MEI1: variants seen among roughly 807,000 people sequenced by gnomAD.
The protein encoded by MEI1 is meiotic double-stranded break formation protein 1, also known as meiosis inhibitor protein 1.
MEI1 carries 103 observed loss-of-function variants against 146.2 expected under a neutral mutation model. The observed-to-expected ratio is 0.70, with a 90% CI of 0.60 to 0.83. The LOEUF is 0.83. Ranked by LOEUF, MEI1 falls within the 40% of genes least tolerant of loss-of-function variation. The probability of loss-of-function intolerance (pLI) is 0.00; values close to 1 mark genes in which losing one functional copy is unlikely to be tolerated. For missense variants in MEI1, 1,529 were observed against 1,533.0 expected, an observed-to-expected ratio of 1.00 and a Z score of 0.04; for synonymous variants, 652 against 628.2, an observed-to-expected ratio of 1.04 and a Z score of -0.57.
intron 18 of MEI1, 86 bp from the exon 19 acceptor site, chr22:41,763,088 T>G: frequency 6.7e-7 from 1 of 1,482,624 alleles, no homozygotes; most frequent in East Asian, 2.3e-5. Context: ...GACAGTGGGC[T>G]GAGGAAGGAT....
At chr22:41,709,741 A>G (rs553262055) in intron 3 of MEI1, among the ~76,000 whole-genome samples, 21 of 152,126 alleles carry the variant, frequency 1.4e-4, no homozygotes, top group Non-Finnish European at 2.9e-4. Context: ...GTGGCAACTG[A>G]GTTTCCCCTG....
At chr22:41,788,757 A>G (rs779059062) in intron 26 of MEI1, among the ~76,000 whole-genome samples, 1 of 152,142 alleles carries the variant, frequency 6.6e-6, no homozygotes, top group African/African-American at 2.4e-5. Flanking sequence ...GAAGTATTGT[A>G]TAGCACTTTC....
chr22:41,733,928 A>G (rs2072090638), intron 11 of MEI1, among the ~76,000 whole-genome samples: 1 of 151,832 alleles, frequency 6.6e-6, no homozygotes, highest in African/African-American at 2.4e-5. Context: ...GGAGTTTGAG[A>G]CCAGCCTGGC....
chr22:41,775,184 G>A (rs1163687523), intron 20 of MEI1, among the ~76,000 whole-genome samples: 1 of 152,124 alleles, frequency 6.6e-6, no homozygotes, highest in East Asian at 1.9e-4. Context: ...AACTCTGAAA[G>A]CAAAATAAAA....
intron 22 of MEI1, 100 bp from the exon 23 acceptor site, chr22:41,781,184 T>G: frequency 2.5e-6 from 2 of 790,136 alleles, no homozygotes; most frequent in East Asian, 5.4e-5. Context: ...TTGTGCTTGC[T>G]CCCCAAGACT....
At position 41,699,645 on chromosome 22, in the gene MEI1, T is replaced by A. The variant is rs763022939; in HGVS notation, c.107T>A (p.Leu36Gln). The stretch of plus-strand genomic sequence containing the variant: ...CATTACCGGCACGACCCGCGCTGGC[T>A]GCTGCCCGTGACCCCCCGCCTGTGC... ...RAHYRHDPRWLLPVTPRLCLA... is the reference protein window; with the variant it reads ...RAHYRHDPRWQLPVTPRLCLA... Residue 36 changes from leucine to glutamine, a missense_variant, in exon 1 of 31, where the codon CTG (leucine) becomes CAG (glutamine). Around this residue, in one of 3 missense-constraint regions of MEI1, gnomAD observed 1,212 missense variants for 1,178.9 expected, o/e 1.03. Coordinates refer to ENST00000401548, the MANE Select transcript of MEI1 (RefSeq NM_152513.4). The A allele has an allele frequency of 3.6e-5, 58 of 1,597,872 alleles. No homozygotes were observed. The Admixed American group carries it at 9.7e-4, about 27-fold the overall frequency.
chr22:41,749,916 A>G (rs2147834681), intron 15 of MEI1, among the ~76,000 whole-genome samples: 1 of 152,138 alleles, frequency 6.6e-6, no homozygotes, highest in African/African-American at 2.4e-5. Flanking sequence ...AGTAGAGGGT[A>G]TGGTCAGTTT....
intron 11 of MEI1, among the ~76,000 whole-genome samples, chr22:41,733,380 C>T (rs1189958493): frequency 6.6e-6 from 1 of 152,058 alleles, no homozygotes; most frequent in Non-Finnish European, 1.5e-5. Context: ...ACCTGGGAAG[C>T]AGAGGTTGCG....
chr22:41,732,911 G>T (rs1024588082), intron 11 of MEI1, among the ~76,000 whole-genome samples: 1 of 151,204 alleles, frequency 6.6e-6, no homozygotes, highest in Admixed American at 6.6e-5. Flanking sequence ...CTCCCAAGTA[G>T]CTGGGATTAC....
intron 11 of MEI1, among the ~76,000 whole-genome samples, chr22:41,741,577 T>C (rs1311585045): frequency 1.3e-5 from 2 of 152,216 alleles, no homozygotes; most frequent in African/African-American, 2.4e-5. Context: ...AATGATTGAA[T>C]CTCCAAAAGT....
At chr22:41,726,321 G>A (rs1321473319) in intron 7 of MEI1, among the ~76,000 whole-genome samples, 1 of 152,184 alleles carries the variant, frequency 6.6e-6, no homozygotes, top group Non-Finnish European at 1.5e-5. Context: ...TCAGGTTTCT[G>A]ACTTAGGAAT....
intron 18 of MEI1, among the ~76,000 whole-genome samples, chr22:41,760,016 A>C (rs2074370014): frequency 6.6e-6 from 1 of 152,052 alleles, no homozygotes; most frequent in African/African-American, 2.4e-5. Context: ...TCTACTAAAA[A>C]TACAAAAATC....
chr22:41,737,271 C>G, intron 11 of MEI1, among the ~76,000 whole-genome samples: 1 of 151,396 alleles, frequency 6.6e-6, no homozygotes, highest in Non-Finnish European at 1.5e-5. Flanking sequence ...GAGTCTTGCT[C>G]TGTCGCCCAG....
chr22:41,743,247 A>G lies in MEI1; in HGVS notation c.1446+53A>G. 7.5e-7 allele frequency: 1 copy of G among 1,325,836 alleles called. No homozygotes were observed. The highest frequency in any genetic ancestry group is 1.1e-6 in the Non-Finnish European group (1 of 928,318). The allele number at this position is 1,325,836 out of a possible 1,614,324, so 82.1% of individuals were successfully genotyped here. On this transcript the variant is annotated intron_variant, in intron 12 of 30. Coordinates refer to ENST00000401548, the MANE Select transcript of MEI1 (RefSeq NM_152513.4). ...GAAGATCATGCTGCAGTGTGTTTTTAGAAAGATAATTAGTATATTCCCTTA... is the reference window on the plus strand; with the variant it reads ...GAAGATCATGCTGCAGTGTGTTTTTGGAAAGATAATTAGTATATTCCCTTA...
chr22:41,784,171 C>T (rs1460335640), intron 24 of MEI1, among the ~76,000 whole-genome samples, 168 bp from the exon 25 acceptor site: 3 of 152,182 alleles, frequency 2.0e-5, no homozygotes, highest in East Asian at 1.9e-4. Context: ...TCCGCATGCT[C>T]CTGAAGCCAG....
In MEI1 at chr22:41,776,107, C is replaced by T. The variant is rs1421355431; in HGVS notation, c.2550C>T (p.Leu850=). 1 of 1,613,842 alleles carries T rather than the reference C, an allele frequency of 6.2e-7. No homozygotes were observed. Among genetic ancestry groups the T allele is most frequent in the Non-Finnish European group, 8.5e-7 (1 of 1,179,870 alleles). Residue 850 remains leucine (L), a synonymous_variant, in exon 21 of 31, where the codon CTC becomes CTT. Transcript: ENST00000401548. Reference sequence around the variant, plus strand: ...CTTTCTTCTCTCCTGCTCAGGACCTCATCTATTCCAGCCCAGTGGACACAG... The same window carrying T: ...CTTTCTTCTCTCCTGCTCAGGACCTTATCTATTCCAGCCCAGTGGACACAG... ...IPSILLILLD[L]IYSSPVDTAH...
intron 7 of MEI1, among the ~76,000 whole-genome samples, chr22:41,727,251 C>A (rs2071434185): frequency 6.6e-6 from 1 of 152,060 alleles, no homozygotes; most frequent in Non-Finnish European, 1.5e-5. Flanking sequence ...ACCAGGTATG[C>A]CCTCCATTCT....
chr22:41,734,129 A>AAAAATAAAATAAAATAAAATAAAAT (rs57256126), intron 11 of MEI1, among the ~76,000 whole-genome samples: 244 of 150,908 alleles, frequency 1.6e-3, no homozygotes, highest in African/African-American at 5.8e-3. Flanking sequence ...TTCTGTCTCA[A>AAAAATAAAATAAAATAAAATAAAAT]AAAATAAAAT....
intron 24 of MEI1, among the ~76,000 whole-genome samples, chr22:41,783,224 G>A (rs997578378): frequency 5.3e-5 from 8 of 152,030 alleles, no homozygotes; most frequent in African/African-American, 1.9e-4. Flanking sequence ...ATAGAAAAAT[G>A]GTGCAGGTAG....
Sources: gnomAD v4.1 joint callset for allele counts (sites outside exome capture counted in the v4.1 genomes callset) on GRCh38, gnomAD v4.1.1 for gene constraint, gnomAD v4.1.1 regional missense constraint, MANE v1.5 for transcripts, NCBI Gene and HGNC (gene_info 2026-07-23, HGNC 2026-07-21) for gene names.